FBXL5: variants seen among roughly 807,000 people sequenced by gnomAD.
The protein encoded by FBXL5 is F-box and leucine rich repeat protein 5.
Under a neutral mutation model 78.3 loss-of-function variants are expected in FBXL5, and 26 were observed. The ratio of observed to expected loss-of-function variants is 0.33; its 90% CI spans 0.24 to 0.46. The LOEUF is 0.46. FBXL5 is among the 20% of genes least tolerant of loss of function. The pLI, the probability that FBXL5 is intolerant of heterozygous loss-of-function variation, is 1.00. For missense variants in FBXL5, 710 were observed against 829.2 expected, an observed-to-expected ratio of 0.86 and a Z score of 1.77; for synonymous variants, 295 against 282.5, an observed-to-expected ratio of 1.04 and a Z score of -0.45.
chr4:15,635,741 G>A (rs1171468848), intron 5 of FBXL5, among the ~76,000 whole-genome samples: 4 of 117,016 alleles, frequency 3.4e-5, no homozygotes, highest in Admixed American at 1.1e-4. Flanking sequence ...CAACATGAGC[G>A]AAACTCTGCC....
intron 7 of FBXL5, 85 bp from the exon 8 acceptor site, chr4:15,627,040 G>C (rs767457392): frequency 2.1e-4 from 142 of 660,854 alleles, no homozygotes; most frequent in South Asian, 3.5e-4. Flanking sequence ...ACATAATCTA[G>C]TTCACAAACT....
intron 1 of FBXL5, among the ~76,000 whole-genome samples, chr4:15,650,918 C>CAGGA (rs1715950470): frequency 6.6e-6 from 1 of 152,098 alleles, no homozygotes; most frequent in African/African-American, 2.4e-5. Context: ...GCATGAGCCA[C>CAGGA]TGCACCCAAC....
At chr4:15,666,216 T>G (rs1327363991) in intron 1 of FBXL5, among the ~76,000 whole-genome samples, 3 of 151,866 alleles carry the variant, frequency 2.0e-5, no homozygotes, top group Non-Finnish European at 4.4e-5. Context: ...CTAGGCAACA[T>G]AAGTAGACTC....
At chr4:15,647,240 A>AG (rs1282653765) in intron 1 of FBXL5, among the ~76,000 whole-genome samples, 55 of 133,714 alleles carry the variant, frequency 4.1e-4, no homozygotes, top group African/African-American at 1.0e-3. Context: ...AAAAAAAAAA[A>AG]AAAGAAAGAA....
intron 3 of FBXL5, among the ~76,000 whole-genome samples, chr4:15,639,811 T>G (rs1714655884): frequency 6.6e-6 from 1 of 151,984 alleles, no homozygotes; most frequent in Non-Finnish European, 1.5e-5. Context: ...CGGGGTTTCT[T>G]TTGTTTGTTT....
chr4:15,628,510 C>T (rs879881828), intron 6 of FBXL5, among the ~76,000 whole-genome samples: 7 of 151,534 alleles, frequency 4.6e-5, no homozygotes, highest in East Asian at 1.9e-4. Flanking sequence ...AACTCCAATT[C>T]GAAAAAAGGA....
At chr4:15,623,535 AG>A (rs1267659035) in intron 9 of FBXL5, among the ~76,000 whole-genome samples, 2 of 152,202 alleles carry the variant, frequency 1.3e-5, no homozygotes, top group African/African-American at 4.8e-5. Flanking sequence ...ATGAATTACG[AG>A]GTTTTAAATT....
In FBXL5 at chr4:15,627,814, A is replaced by C; in HGVS notation, c.1041+71T>G. On this transcript the variant is annotated intron_variant, in intron 7 of 10. Transcript: ENST00000341285. ...GGTTTGTTTCCCCTTAATTAAACTC[A>C]GGAATGAGCAAACCAAACTCTTATC... 17 of 1,479,730 alleles carry C rather than the reference A, an allele frequency of 1.1e-5. No homozygotes were observed. In the South Asian group the frequency reaches 2.1e-4, roughly 19 times the overall value. 91.7% of individuals were successfully genotyped at this position (1,479,730 alleles called of 1,614,324 possible).
chr4:15,656,793 A>T (rs200262285), upstream of FBXL5, among the ~76,000 whole-genome samples: 1 of 152,102 alleles, frequency 6.6e-6, no homozygotes, highest in African/African-American at 2.4e-5. Flanking sequence ...TGAAGCACTT[A>T]TAACAGTACC....
intron 1 of FBXL5, among the ~76,000 whole-genome samples, chr4:15,668,517 CTTTG>C (rs1319347533): frequency 6.7e-5 from 10 of 149,546 alleles, no homozygotes; most frequent in Non-Finnish European, 1.5e-4. Flanking sequence ...TTGTATTGTT[CTTTG>C]TTTATTTCAA....
At chr4:15,647,413 G>A (rs577905434) in intron 1 of FBXL5, among the ~76,000 whole-genome samples, 11 of 152,174 alleles carry the variant, frequency 7.2e-5, no homozygotes, top group African/African-American at 2.2e-4. Flanking sequence ...TATTTTATCT[G>A]AGGGACTTGA....
chr4:15,678,499 A>G (rs1045649961), intron 1 of FBXL5, among the ~76,000 whole-genome samples: 23 of 152,236 alleles, frequency 1.5e-4, no homozygotes, highest in Non-Finnish European at 2.8e-4. Context: ...CAAACGAAGA[A>G]AAGCTACAAT....
At chr4:15,631,064 C>G (rs1163952926) in intron 5 of FBXL5, among the ~76,000 whole-genome samples, 3 of 152,132 alleles carry the variant, frequency 2.0e-5, no homozygotes, top group African/African-American at 4.8e-5. Context: ...TATCCCTCCC[C>G]CAGTCCCCTA....
At chr4:15,629,773 A>G (rs1713433823) in intron 6 of FBXL5, among the ~76,000 whole-genome samples, 1 of 152,148 alleles carries the variant, frequency 6.6e-6, no homozygotes, top group Admixed American at 6.5e-5. Context: ...TTAGCTGCTG[A>G]TACAACAATC....
chr4:15,621,939 C>T (rs1422142395), intron 9 of FBXL5, among the ~76,000 whole-genome samples: 1 of 152,208 alleles, frequency 6.6e-6, no homozygotes, highest in African/African-American at 2.4e-5. Flanking sequence ...AGTCATCCTC[C>T]CACCTCAGCT....
chr4:15,611,549 A>G (rs1722266241), intron 10 of FBXL5, among the ~76,000 whole-genome samples: 1 of 152,152 alleles, frequency 6.6e-6, no homozygotes, highest in South Asian at 2.1e-4. Context: ...TTCAGTCTCT[A>G]CCAGTGACTA....
At chr4:15,621,577 C>T (rs572967115) in intron 9 of FBXL5, among the ~76,000 whole-genome samples, 1 of 152,116 alleles carries the variant, frequency 6.6e-6, no homozygotes, top group Admixed American at 6.5e-5. Flanking sequence ...ATACATGCTA[C>T]GATGTGAATA....
intron 6 of FBXL5, among the ~76,000 whole-genome samples, chr4:15,629,781 A>G (rs1327973867): frequency 6.6e-6 from 1 of 152,126 alleles, no homozygotes; most frequent in East Asian, 1.9e-4. Flanking sequence ...TGATACAACA[A>G]TCTTTATACT....
At chr4:15,656,725 T>C (rs1229799350), upstream of FBXL5, among the ~76,000 whole-genome samples, 1 of 152,184 alleles carries the variant, frequency 6.6e-6, no homozygotes, top group African/African-American at 2.4e-5. Flanking sequence ...CAGTTTGCTC[T>C]GACATGAAAT....
Sources: allele counts gnomAD v4.1 joint callset (sites outside exome capture counted in the v4.1 genomes callset), GRCh38; gene constraint gnomAD v4.1.1; transcripts MANE v1.5; gene names NCBI Gene and HGNC (gene_info 2026-07-23, HGNC 2026-07-21).